EHBP1: variants seen among roughly 807,000 people sequenced by gnomAD.
EHBP1 encodes the protein EH domain-binding protein 1.
In EHBP1, 55 loss-of-function variants were observed where a neutral mutation model predicts 144.0. That is an observed-to-expected ratio of 0.38 (90% CI 0.31 to 0.48). EHBP1 has a LOEUF of 0.48. EHBP1 is among the 20% of genes least tolerant of loss of function. EHBP1 has a pLI of 0.98. For synonymous variants in EHBP1, 469 were observed against 472.7 expected (o/e 0.99, Z 0.10); for missense variants, 1,200 against 1,364.2 (o/e 0.88, Z 1.90).
chr2:62,944,272 G>T (rs1000935130), intron 12 of EHBP1, among the ~76,000 whole-genome samples: 1 of 152,040 alleles, frequency 6.6e-6, no homozygotes, highest in Non-Finnish European at 1.5e-5. Flanking sequence ...TATAAACCTT[G>T]GTTCTTTTCA....
chr2:62,796,008 T>C (rs1418833518), intron 5 of EHBP1, among the ~76,000 whole-genome samples: 1 of 151,756 alleles, frequency 6.6e-6, no homozygotes, highest in Non-Finnish European at 1.5e-5. Context: ...TTCTGCCCCT[T>C]CTGCTTGGTT....
chr2:62,728,021 A>G (rs1317643142), intron 2 of EHBP1, among the ~76,000 whole-genome samples: 1 of 152,182 alleles, frequency 6.6e-6, no homozygotes, highest in Non-Finnish European at 1.5e-5. Context: ...AGGGTAGGGT[A>G]TGAGGGTCAG....
intron 7 of EHBP1, among the ~76,000 whole-genome samples, chr2:62,852,043 T>A (rs1029529855): frequency 6.6e-6 from 1 of 152,178 alleles, no homozygotes; most frequent in Non-Finnish European, 1.5e-5. Flanking sequence ...GCCGACATTA[T>A]ACCTAAAATT....
chr2:63,006,370 G>C (rs1320756840), intron 19 of EHBP1, among the ~76,000 whole-genome samples: 3 of 151,930 alleles, frequency 2.0e-5, no homozygotes, highest in African/African-American at 7.2e-5. Context: ...GTCAGATAAA[G>C]AATCTAGTTG....
At position 62,859,217 on chromosome 2, in the gene EHBP1, C is replaced by G. The variant is rs758912815; in HGVS notation, c.683C>G (p.Ala228Gly). 2 of 1,611,598 alleles carry G rather than the reference C, an allele frequency of 1.2e-6. No individual in the cohort carries two copies. The highest frequency in any genetic ancestry group is 3.3e-5 in the Admixed American group (2 of 59,960). Reference sequence around the variant, plus strand: ...TTGGATGAAGCAGAAAAGGACTTGGCCACCGTGAATTCAAATCCATTTGAT... The same window carrying G: ...TTGGATGAAGCAGAAAAGGACTTGGGCACCGTGAATTCAAATCCATTTGAT... ...NFLDEAEKDL[A>G]TVNSNPFDDP... The change falls in exon 8 of 23, where the codon GCC becomes GGC. Residue 228 changes from alanine to glycine, a missense_variant. Ala to Gly is a moderately conservative substitution (Grantham distance 60). Around this residue, in one of 6 missense-constraint regions of EHBP1, gnomAD observed 266 missense variants for 262.4 expected, o/e 1.01. Transcript: ENST00000431489.
intron 10 of EHBP1, among the ~76,000 whole-genome samples, chr2:62,939,508 C>T (rs561884894): frequency 2.0e-5 from 3 of 152,234 alleles, no homozygotes; most frequent in East Asian, 1.9e-4. Flanking sequence ...CTCCTGACCT[C>T]ATGATCTGCC....
chr2:62,865,701 A>G (rs1043163407), intron 9 of EHBP1, among the ~76,000 whole-genome samples: 2 of 152,240 alleles, frequency 1.3e-5, no homozygotes, highest in Non-Finnish European at 2.9e-5. Flanking sequence ...CAGACATTGG[A>G]CACAAACAGC....
At chr2:63,024,870 C>T (rs1479478185) in intron 19 of EHBP1, among the ~76,000 whole-genome samples, 1 of 149,038 alleles carries the variant, frequency 6.7e-6, no homozygotes, top group Non-Finnish European at 1.5e-5. Context: ...GTGGTGTGCA[C>T]CTGTAGTCTC....
chr2:62,757,415 CTTTTTTTTTTCTTTTT>C (rs1193289977), intron 3 of EHBP1, among the ~76,000 whole-genome samples: 17 of 121,902 alleles, frequency 1.4e-4, no homozygotes, highest in African/African-American at 5.2e-4. Flanking sequence ...TTCTTTCTTT[CTTTTTTTTTTCTTTTT>C]TTTTTTTTTT....
At chr2:62,851,224 C>G (rs1049854159) in intron 7 of EHBP1, among the ~76,000 whole-genome samples, 1 of 152,152 alleles carries the variant, frequency 6.6e-6, no homozygotes, top group Non-Finnish European at 1.5e-5. Context: ...TCCCATAACT[C>G]TCAGAATAAA....
At chr2:62,889,464 A>G (rs1183606652) in intron 10 of EHBP1, among the ~76,000 whole-genome samples, 2 of 152,020 alleles carry the variant, frequency 1.3e-5, no homozygotes, top group Non-Finnish European at 2.9e-5. Context: ...TCATCTTGAA[A>G]TCTTGGTCCA....
chr2:62,715,316 G>A (rs1322043527), intron 2 of EHBP1, among the ~76,000 whole-genome samples: 3 of 151,850 alleles, frequency 2.0e-5, no homozygotes, highest in African/African-American at 7.3e-5. Context: ...GGGTTTCACC[G>A]TGTTAGCCAG....
chr2:62,777,815 A>G (rs2042150265), intron 5 of EHBP1, among the ~76,000 whole-genome samples: 1 of 152,156 alleles, frequency 6.6e-6, no homozygotes, highest in Non-Finnish European at 1.5e-5. Context: ...TTCCTGGAGG[A>G]AGTGGCTACA....
chr2:62,874,428 C>T lies in EHBP1; in HGVS notation c.1081C>T (p.Arg361Ter), dbSNP rs1347368178. ...NPVQELETER[R>*]VKRKAPAPPV... ...TGTTCAAGAACTAGAAACTGAAAGGCGAGTGAAAAGAAAGGCCCCGGCTCC... is the reference window on the plus strand; with the variant it reads ...TGTTCAAGAACTAGAAACTGAAAGGTGAGTGAAAAGAAAGGCCCCGGCTCC... Residue 361 changes from arginine to a stop codon, truncating the protein, a stop_gained, in exon 10 of 23, where the codon CGA becomes TGA. Coordinates refer to ENST00000431489, the MANE Select transcript of EHBP1 (RefSeq NM_001142616.3). LOFTEE classifies it high-confidence loss of function. 1.9e-6 allele frequency: 3 copies of T among 1,613,224 alleles called. No individual in the cohort carries two copies. Among genetic ancestry groups the T allele is most frequent in the Non-Finnish European group, 2.5e-6 (3 of 1,179,572 alleles).
chr2:62,745,674 A>G (rs1411678430), intron 2 of EHBP1, among the ~76,000 whole-genome samples: 1 of 152,036 alleles, frequency 6.6e-6, no homozygotes, highest in Non-Finnish European at 1.5e-5. Context: ...GTGTTGAGAA[A>G]CAAGGGTGTC....
intron 9 of EHBP1, among the ~76,000 whole-genome samples, chr2:62,869,678 A>G (rs895830341): frequency 6.6e-6 from 1 of 152,204 alleles, no homozygotes; most frequent in African/African-American, 2.4e-5. Context: ...AGGGACTGGA[A>G]ATGTTTGGAA....
intron 3 of EHBP1, among the ~76,000 whole-genome samples, chr2:62,758,864 A>G (rs2040524630): frequency 6.6e-6 from 1 of 152,212 alleles, no homozygotes; most frequent in African/African-American, 2.4e-5. Flanking sequence ...CAACTCTAAG[A>G]TGACTTTATA....
chr2:62,744,725 A>G (rs750253127), intron 2 of EHBP1, among the ~76,000 whole-genome samples: 11 of 152,116 alleles, frequency 7.2e-5, no homozygotes, highest in Admixed American at 1.3e-4. Flanking sequence ...TATGCTAAAA[A>G]GCTTTCATTT....
rs78889113 is a variant in EHBP1 at position 62,989,156 on chromosome 2, T to G, written c.2609-1560T>G. Among the ~76,000 whole-genome samples, 488 of 152,274 alleles carry G rather than the reference T, an allele frequency of 3.2e-3. 3 individuals are homozygous for G. Among genetic ancestry groups the G allele is most frequent in the African/African-American group, 0.011 (460 of 41,586 alleles). ...TTAACCCAAAATTAGAACTACATTTTACTTCTTTCTGTTTAAAATACTACA... is the reference window on the plus strand; with the variant it reads ...TTAACCCAAAATTAGAACTACATTTGACTTCTTTCTGTTTAAAATACTACA... On this transcript the variant is annotated intron_variant, in intron 15 of 22. Transcript: ENST00000431489.
Sources: gnomAD v4.1 joint callset for allele counts (sites outside exome capture counted in the v4.1 genomes callset) on GRCh38, gnomAD v4.1.1 for gene constraint, gnomAD v4.1.1 regional missense constraint, MANE v1.5 for transcripts, NCBI Gene and HGNC (gene_info 2026-07-23, HGNC 2026-07-21) for gene names.